TOMM20: variants seen among roughly 807,000 people sequenced by gnomAD.
TOMM20 encodes the protein translocase of outer mitochondrial membrane 20.
Under a neutral mutation model 22.1 loss-of-function variants are expected in TOMM20, and 10 were observed. The observed-to-expected ratio is 0.45, with a 90% CI of 0.28 to 0.77. The LOEUF (loss-of-function observed/expected upper bound fraction) is 0.77. Ranked by LOEUF, TOMM20 falls within the 30% of genes least tolerant of loss-of-function variation. TOMM20 has a pLI of 0.13. For missense variants in TOMM20, 121 were observed against 172.2 expected (o/e 0.70, Z 1.66); for synonymous variants, 55 against 61.4 (o/e 0.90, Z 0.49).
intron 2 of TOMM20, among the ~76,000 whole-genome samples, chr1:235,120,112 T>C (rs1572129586): frequency 6.6e-6 from 1 of 152,324 alleles, no homozygotes; most frequent in South Asian, 2.1e-4. Context: ...AGTTGAATAA[T>C]TCTTAGAAAG....
At chr1:235,124,098 G>A (rs1251994539) in intron 1 of TOMM20, among the ~76,000 whole-genome samples, 1 of 152,262 alleles carries the variant, frequency 6.6e-6, no homozygotes, top group Non-Finnish European at 1.5e-5. Context: ...TGTAATCCCA[G>A]CACTTTGGGA....
chr1:235,122,003 T>C (rs1289831052), intron 2 of TOMM20, among the ~76,000 whole-genome samples: 4 of 152,200 alleles, frequency 2.6e-5, no homozygotes, highest in Non-Finnish European at 5.9e-5. Context: ...AGTGTAATAT[T>C]GTATCATTTT....
intron 2 of TOMM20, among the ~76,000 whole-genome samples, chr1:235,121,690 TA>T (rs1331078155): frequency 6.6e-6 from 1 of 152,118 alleles, no homozygotes; most frequent in Non-Finnish European, 1.5e-5. Context: ...CTCATCTCAA[TA>T]AAAAGGAAAA....
intron 3 of TOMM20, among the ~76,000 whole-genome samples, chr1:235,118,332 T>C (rs936668766): frequency 1.3e-5 from 2 of 152,166 alleles, no homozygotes; most frequent in African/African-American, 4.8e-5. Context: ...TCAAACCCAG[T>C]GTTATGCGAT....
chr1:235,114,486 G>C (rs1272490184), intron 3 of TOMM20, among the ~76,000 whole-genome samples: 1 of 149,900 alleles, frequency 6.7e-6, no homozygotes, highest in Non-Finnish European at 1.5e-5. Flanking sequence ...ACCCAGGCTG[G>C]AGTGCAGTGG....
intron 2 of TOMM20, among the ~76,000 whole-genome samples, chr1:235,120,869 C>CAAAAA (rs752792267): frequency 2.0e-5 from 2 of 100,226 alleles, no homozygotes; most frequent in African/African-American, 3.9e-5. Context: ...GACCCTGTCT[C>CAAAAA]AAAAAAAAAA....
intron 1 of TOMM20, among the ~76,000 whole-genome samples, chr1:235,123,224 A>C (rs549756314): frequency 6.6e-6 from 1 of 152,310 alleles, no homozygotes; most frequent in Admixed American, 6.5e-5. Context: ...CCAGTGGCTC[A>C]TGCTTTAATC....
chr1:235,115,011 A>G (rs1304045490), intron 3 of TOMM20, among the ~76,000 whole-genome samples: 1 of 151,980 alleles, frequency 6.6e-6, no homozygotes, highest in African/African-American at 2.4e-5. Context: ...CTAGGACCAT[A>G]GGTGTGCACC....
chr1:235,127,904 A>G (rs1217279129), intron 1 of TOMM20: 1 of 519,132 alleles, frequency 1.9e-6, no homozygotes, highest in Non-Finnish European at 3.8e-6. Flanking sequence ...GGAAGCACTT[A>G]GAACGAAGCT....
At chr1:235,124,502 A>C (rs1660980216) in intron 1 of TOMM20, among the ~76,000 whole-genome samples, 1 of 152,232 alleles carries the variant, frequency 6.6e-6, no homozygotes, top group Non-Finnish European at 1.5e-5. Context: ...TATAGTTAAT[A>C]GTGTGGAGAA....
intron 4 of TOMM20, among the ~76,000 whole-genome samples, chr1:235,112,551 C>T (rs1660755921): frequency 6.6e-6 from 1 of 152,040 alleles, no homozygotes; most frequent in Non-Finnish European, 1.5e-5. Context: ...TACCATGTTG[C>T]CCAGGCTGGC....
Position 235,111,585 on chromosome 1 carries a change from GGAAA to G in TOMM20, c.*475_*478del, listed in dbSNP as rs1056697646. ...CATATTTACGTCTCAGAGATTAAAT[GGAAA>G]GAAAGGATCAATCAAAACCTTTAAT... On this transcript the variant is annotated 3_prime_UTR_variant, in exon 5 of 5. Transcript: ENST00000366607. The G allele has an allele frequency of 6.2e-6, 1 of 160,672 alleles. No individual in the cohort carries two copies. Among genetic ancestry groups the G allele is most frequent in the Non-Finnish European group, 1.3e-5 (1 of 74,154 alleles). The allele number at this position is 160,672 out of a possible 1,614,324, so 10.0% of individuals were successfully genotyped here.
rs937782029 is a variant in TOMM20, at chr1:235,113,632, G to A, written c.393+136C>T. The A allele has an allele frequency of 4.5e-6, 5 of 1,119,776 alleles. No homozygotes were observed. The East Asian group carries it at 1.1e-4, about 24-fold the overall frequency. 69.4% of individuals were successfully genotyped at this position (1,119,776 alleles called of 1,614,324 possible). A position where few individuals can be genotyped will look rare whatever the true frequency, so the allele number is the denominator to read the frequency against. On this transcript the variant is annotated intron_variant, in intron 4 of 4. Coordinates refer to ENST00000366607, the MANE Select transcript of TOMM20 (RefSeq NM_014765.3). Reference sequence around the variant, plus strand: ...CCCACCAGAGAGGAAAATGTCAAGCGCTGATATCTCCCATATTGTTTTCAT... The same window carrying A: ...CCCACCAGAGAGGAAAATGTCAAGCACTGATATCTCCCATATTGTTTTCAT...
Position 235,128,793 on chromosome 1 carries a change from C to A in TOMM20, c.-78G>T. The stretch of plus-strand genomic sequence containing the variant: ...GTGGGCCACGAACCCTCAGAGCGGT[C>A]GGCGCAGCTCACACCCGACGGCCGC... On this transcript the variant is annotated 5_prime_UTR_variant, in exon 1 of 5. Transcript: ENST00000366607. The A allele has an allele frequency of 6.3e-7, 1 of 1,592,752 alleles. No homozygotes were observed. Among genetic ancestry groups the A allele is most frequent in the South Asian group, 1.1e-5 (1 of 89,962 alleles).
Position 235,128,810 on chromosome 1 carries a change from GA to G in TOMM20, c.-96del. ...AGAGCGGTCGGCGCAGCTCACACCC[GA>G]CGGCCGCGGGCCAGGAACACAGAAA... On this transcript the variant is annotated 5_prime_UTR_variant, in exon 1 of 5. Coordinates refer to ENST00000366607, the MANE Select transcript of TOMM20 (RefSeq NM_014765.3). The G allele has an allele frequency of 6.4e-7, 1 of 1,562,964 alleles. No homozygotes were observed. The highest frequency in any genetic ancestry group is 8.6e-7 in the Non-Finnish European group (1 of 1,156,720).
chr1:235,124,244 G>A (rs1660976953), intron 1 of TOMM20, among the ~76,000 whole-genome samples: 1 of 152,250 alleles, frequency 6.6e-6, no homozygotes, highest in Non-Finnish European at 1.5e-5. Flanking sequence ...CTACTCGAGA[G>A]GCTGTAGCAA....
intron 3 of TOMM20, 133 bp from the exon 4 acceptor site, chr1:235,114,043 G>T: frequency 1.1e-6 from 1 of 898,538 alleles, no homozygotes; most frequent in African/African-American, 1.7e-5. Flanking sequence ...GACCTATAAT[G>T]CATTCATATA....
intron 1 of TOMM20, among the ~76,000 whole-genome samples, chr1:235,128,299 A>C (rs916407419): frequency 6.6e-6 from 1 of 152,272 alleles, no homozygotes; most frequent in African/African-American, 2.4e-5. Flanking sequence ...CGACAAAAAA[A>C]GAGACAACCT....
chr1:235,116,085 A>C (rs183835326), intron 3 of TOMM20, among the ~76,000 whole-genome samples: 1 of 152,312 alleles, frequency 6.6e-6, no homozygotes, highest in African/African-American at 2.4e-5. Flanking sequence ...ATTGGGGCAA[A>C]CTAACATGTT....
Sources: allele counts gnomAD v4.1 joint callset (sites outside exome capture counted in the v4.1 genomes callset), GRCh38; gene constraint gnomAD v4.1.1; transcripts MANE v1.5; gene names NCBI Gene and HGNC (gene_info 2026-07-23, HGNC 2026-07-21).